Variants in FAT3 observed in about 807,000 individuals in gnomAD.
FAT3 encodes the protein FAT atypical cadherin 3, also known as protocadherin Fat 3.
FAT3 carries 95 observed loss-of-function variants against 310.2 expected under a neutral mutation model. The observed-to-expected ratio is 0.31, with a 90% CI of 0.26 to 0.36. FAT3 has a LOEUF of 0.36. Ranked by LOEUF, FAT3 falls within the 10% of genes least tolerant of loss-of-function variation. FAT3 has a pLI of 1.00. For missense variants in FAT3, 5,408 were observed against 5,715.6 expected (o/e 0.95, Z 1.74); for synonymous variants, 2,314 against 2,192.9 (o/e 1.06, Z -1.54).
intron 1 of FAT3, among the ~76,000 whole-genome samples, chr11:92,344,157 C>T (rs540114060): frequency 1.3e-5 from 2 of 152,184 alleles, no homozygotes; most frequent in East Asian, 1.9e-4. Flanking sequence ...GTGCTGTAGT[C>T]CTCACTTATC....
At chr11:92,739,776 A>G (rs1342106685) in intron 4 of FAT3, among the ~76,000 whole-genome samples, 1 of 152,196 alleles carries the variant, frequency 6.6e-6, no homozygotes, top group Non-Finnish European at 1.5e-5. Flanking sequence ...TGCCTGTCAC[A>G]TACTCTGAAA....
chr11:92,245,867 G>C (rs1028645912), intron 1 of FAT3, among the ~76,000 whole-genome samples: 1 of 152,100 alleles, frequency 6.6e-6, no homozygotes, highest in Non-Finnish European at 1.5e-5. Context: ...TTAAGAAATG[G>C]GCAGAGGAAA....
intron 3 of FAT3, among the ~76,000 whole-genome samples, chr11:92,695,609 T>C (rs951538793): frequency 2.0e-5 from 3 of 152,156 alleles, no homozygotes; most frequent in South Asian, 2.1e-4. Flanking sequence ...AACTGAAGAA[T>C]AGAATACAGC....
intron 21 of FAT3, among the ~76,000 whole-genome samples, chr11:92,864,157 C>T (rs983115857): frequency 6.6e-6 from 1 of 152,100 alleles, no homozygotes; most frequent in African/African-American, 2.4e-5. Context: ...GTCATTTCTC[C>T]CTGGTGAATA....
intron 3 of FAT3, among the ~76,000 whole-genome samples, chr11:92,598,553 T>G (rs1181475386): frequency 6.6e-6 from 1 of 152,146 alleles, no homozygotes; most frequent in East Asian, 1.9e-4. Flanking sequence ...TCACAGAATT[T>G]TATGAGTGAG....
rs1176544533 is a variant in FAT3, at chr11:92,293,540, AT to A, written c.-17-58555del. On this transcript the variant is annotated intron_variant, in intron 1 of 27. Transcript: ENST00000525166. ...TATATATATATATATATATATATAT[AT>A]ATATATATATAAATAAAATATATTC... 3.3e-3 allele frequency among the ~76,000 whole-genome samples: 143 copies of A among 43,892 alleles called. 3 individuals are homozygous for A. The highest frequency in any genetic ancestry group is 0.01 in the African/African-American group (105 of 10,118). 28.8% of individuals were successfully genotyped at this position (43,892 alleles called of 152,430 possible).
rs146396927 is a variant in FAT3, at chr11:92,890,794, G to C, written c.13451G>C (p.Arg4484Thr). 4 of 1,613,858 alleles carry C rather than the reference G, an allele frequency of 2.5e-6. No individual in the cohort carries two copies. Among genetic ancestry groups the C allele is most frequent in the Non-Finnish European group, 2.5e-6 (3 of 1,179,876 alleles). ...LASTLSPDCR[R>T]RPQFHPSQYL... ...AGCACACTGAGCCCAGACTGCAGGA[G>C]AAGGCCCCAGTTTCATCCTAGCCAG... Residue 4484 changes from arginine (R) to threonine (T), a missense_variant, in exon 28 of 28, where the codon AGA (arginine) becomes ACA (threonine). By Grantham distance (71) the Arg-to-Thr change is moderately conservative (BLOSUM62 -1). This residue lies in a region of FAT3 where 649 missense variants were observed against 666.2 expected (regional missense o/e 0.97). Transcript: ENST00000525166.
chr11:92,806,731 C>T (rs565310633), intron 12 of FAT3, among the ~76,000 whole-genome samples: 1 of 152,172 alleles, frequency 6.6e-6, no homozygotes, highest in East Asian at 1.9e-4. Flanking sequence ...CTTATGTGAA[C>T]GTGGGTAACA....
At chr11:92,555,331 G>C (rs1954980751) in intron 3 of FAT3, among the ~76,000 whole-genome samples, 1 of 152,336 alleles carries the variant, frequency 6.6e-6, no homozygotes. Context: ...GTTACGGTTA[G>C]TAGTAATATT....
At chr11:92,655,500 T>C (rs986232269) in intron 3 of FAT3, among the ~76,000 whole-genome samples, 6 of 152,348 alleles carry the variant, frequency 3.9e-5, no homozygotes, top group East Asian at 1.9e-4. Context: ...AAGGTAATCA[T>C]TACATAAAAC....
intron 1 of FAT3, among the ~76,000 whole-genome samples, chr11:92,269,949 T>G (rs1330261786): frequency 6.6e-6 from 1 of 152,112 alleles, no homozygotes; most frequent in Non-Finnish European, 1.5e-5. Context: ...TCTTTTTAAA[T>G]GCGTTAAGTT....
At chr11:92,397,369 A>G (rs146665646) in intron 2 of FAT3, among the ~76,000 whole-genome samples, 2 of 152,288 alleles carry the variant, frequency 1.3e-5, no homozygotes, top group African/African-American at 2.4e-5. Context: ...ATATTAAGCA[A>G]TCTTCTGCCA....
chr11:92,825,746 T>G (rs1486949232), intron 13 of FAT3, among the ~76,000 whole-genome samples: 1 of 152,144 alleles, frequency 6.6e-6, no homozygotes, highest in African/African-American at 2.4e-5. Flanking sequence ...GGGGCAAGCC[T>G]GGATCCAGAA....
chr11:92,794,028 T>C (rs1947102826), intron 9 of FAT3, among the ~76,000 whole-genome samples: 1 of 152,084 alleles, frequency 6.6e-6, no homozygotes, highest in African/African-American at 2.4e-5. Context: ...TAAGCTCTAC[T>C]TAAAAAAAGA....
intron 1 of FAT3, among the ~76,000 whole-genome samples, chr11:92,316,835 A>G (rs2134477259): frequency 6.6e-6 from 1 of 152,168 alleles, no homozygotes; most frequent in East Asian, 1.9e-4. Context: ...GCCACATTGT[A>G]GCTTTCAGTC....
intron 3 of FAT3, among the ~76,000 whole-genome samples, chr11:92,572,986 A>G (rs925612857): frequency 2.8e-4 from 43 of 152,160 alleles, no homozygotes; most frequent in Non-Finnish European, 5.3e-4. Context: ...TTTAGGCAAC[A>G]ATGATTAATT....
At chr11:92,738,836 T>G (rs1565554440) in intron 4 of FAT3, among the ~76,000 whole-genome samples, 1 of 152,190 alleles carries the variant, frequency 6.6e-6, no homozygotes, top group East Asian at 1.9e-4. Flanking sequence ...TCATCCATTA[T>G]CAAGTGGGGT....
chr11:92,544,420 A>G (rs1954552053), intron 3 of FAT3, among the ~76,000 whole-genome samples: 2 of 152,310 alleles, frequency 1.3e-5, no homozygotes, highest in Middle Eastern at 3.4e-3. Flanking sequence ...TGGATATCCT[A>G]ATTACCTTTA....
intron 13 of FAT3, among the ~76,000 whole-genome samples, chr11:92,828,998 G>A (rs1371490257): frequency 2.6e-5 from 4 of 152,186 alleles, no homozygotes; most frequent in Admixed American, 1.3e-4. Context: ...TGCAAATCCA[G>A]CCCCTACCTC....
Sources: allele counts gnomAD v4.1 joint callset (sites outside exome capture counted in the v4.1 genomes callset), GRCh38; gene constraint gnomAD v4.1.1; regional missense constraint gnomAD v4.1.1; transcripts MANE v1.5; gene names NCBI Gene and HGNC (gene_info 2026-07-23, HGNC 2026-07-21).